The following RORA variants were observed in gnomAD, a reference collection of about 807,000 sequenced individuals.
The protein encoded by RORA is nuclear receptor ROR-alpha.
Under a neutral mutation model 69.5 loss-of-function variants are expected in RORA, and 7 were observed. The observed-to-expected ratio is 0.10, with a 90% CI of 0.06 to 0.19. The LOEUF (loss-of-function observed/expected upper bound fraction) is 0.19. Among genes scored for constraint, RORA ranks in the 10% least tolerant of loss-of-function variants. The pLI is 1.00. For synonymous variants in RORA, 261 were observed against 240.8 expected (o/e 1.08, Z -0.78); for missense variants, 457 against 663.0 (o/e 0.69, Z 3.41).
At chr15:60,889,114 C>T (rs1042353964) in intron 1 of RORA, among the ~76,000 whole-genome samples, 1 of 152,194 alleles carries the variant, frequency 6.6e-6, no homozygotes, top group Non-Finnish European at 1.5e-5. Context: ...GAGTTGCCTC[C>T]CATGTCGCAC....
At chr15:61,002,639 G>A (rs1008949226) in intron 1 of RORA, among the ~76,000 whole-genome samples, 39 of 152,056 alleles carry the variant, frequency 2.6e-4, no homozygotes, top group African/African-American at 8.2e-4. Context: ...TACTTTATCC[G>A]AAGTGTCATC....
At chr15:61,227,666 G>C (rs2080160034) in intron 1 of RORA, among the ~76,000 whole-genome samples, 1 of 151,930 alleles carries the variant, frequency 6.6e-6, no homozygotes. Context: ...AGCAGTTCCT[G>C]GGGCCCCCAT....
At chr15:60,621,845 C>T (rs2069417273) in intron 2 of RORA, among the ~76,000 whole-genome samples, 1 of 151,688 alleles carries the variant, frequency 6.6e-6, no homozygotes, top group Non-Finnish European at 1.5e-5. Context: ...GTCAGGAGTT[C>T]GAGACCAGCC....
chr15:61,012,935 C>T (rs1895134977), intron 1 of RORA, among the ~76,000 whole-genome samples: 1 of 152,194 alleles, frequency 6.6e-6, no homozygotes, highest in African/African-American at 2.4e-5. Context: ...TAGGTGTGAG[C>T]CACCGCGCTC....
At chr15:60,993,834 T>C (rs980671135) in intron 1 of RORA, among the ~76,000 whole-genome samples, 1 of 152,116 alleles carries the variant, frequency 6.6e-6, no homozygotes, top group Admixed American at 6.5e-5. Flanking sequence ...GTGCTACTAG[T>C]AGCTTGGATA....
At chr15:61,089,310 A>C (rs1194541529) in intron 1 of RORA, among the ~76,000 whole-genome samples, 4 of 152,204 alleles carry the variant, frequency 2.6e-5, no homozygotes, top group Non-Finnish European at 5.9e-5. Flanking sequence ...CCTTAGTTTT[A>C]TGTGAGAGGG....
chr15:60,865,556 G>A (rs781131028), intron 1 of RORA, among the ~76,000 whole-genome samples: 1 of 152,232 alleles, frequency 6.6e-6, no homozygotes, highest in Non-Finnish European at 1.5e-5. Context: ...TTTCCAGGTG[G>A]TGCCAAGGGT....
intron 1 of RORA, among the ~76,000 whole-genome samples, chr15:61,031,788 C>T (rs896853395): frequency 3.3e-5 from 5 of 152,272 alleles, no homozygotes; most frequent in African/African-American, 7.2e-5. Flanking sequence ...TGTTCCACGA[C>T]GATGGGCAAA....
At chr15:60,800,881 C>A (rs1038015760) in intron 1 of RORA, among the ~76,000 whole-genome samples, 1 of 152,180 alleles carries the variant, frequency 6.6e-6, no homozygotes, top group African/African-American at 2.4e-5. Context: ...TAGTTCTTAT[C>A]GATTTGGTCA....
At chr15:60,594,724 C>A (rs1248252516) in intron 2 of RORA, among the ~76,000 whole-genome samples, 1 of 152,212 alleles carries the variant, frequency 6.6e-6, no homozygotes, top group Non-Finnish European at 1.5e-5. Context: ...TAAGTAGAAT[C>A]ATTCATTCTA....
intron 1 of RORA, among the ~76,000 whole-genome samples, chr15:60,882,169 T>C (rs1040920993): frequency 6.6e-6 from 1 of 152,352 alleles, no homozygotes; most frequent in African/African-American, 2.4e-5. Flanking sequence ...AAGTTTTGTT[T>C]CGTTGCAACC....
chr15:60,597,510 G>GAT (rs1297284534), intron 2 of RORA, among the ~76,000 whole-genome samples: 3 of 25,948 alleles, frequency 1.2e-4, no homozygotes, highest in African/African-American at 3.9e-4. Flanking sequence ...TGGTACAGGA[G>GAT]ATACACACAC....
At chr15:60,899,183 ATCT>A (rs376184651) in intron 1 of RORA, among the ~76,000 whole-genome samples, 5 of 152,300 alleles carry the variant, frequency 3.3e-5, no homozygotes, top group African/African-American at 9.6e-5. Context: ...TTCCAACTTC[ATCT>A]TCTTTCATCC....
rs1893301404 is a variant in RORA at position 60,957,444 on chromosome 15, CTG to C, written c.166+271607_166+271608del. Among the ~76,000 whole-genome samples the C allele has an allele frequency of 2.6e-5, 4 of 152,348 alleles. No individual in the cohort carries two copies. In the South Asian group the frequency reaches 8.3e-4, roughly 32 times the overall value. On this transcript the variant is annotated intron_variant, in intron 1 of 10. Coordinates refer to ENST00000335670, the MANE Select transcript of RORA (RefSeq NM_134261.3). ...GATTGTAGCTGTTGTTCCAACAGTT[CTG>C]TGACAACACGTACCTCCTCAAACAC...
intron 1 of RORA, among the ~76,000 whole-genome samples, chr15:60,995,869 A>C (rs1179455326): frequency 6.6e-6 from 1 of 152,244 alleles, no homozygotes; most frequent in Non-Finnish European, 1.5e-5. Flanking sequence ...AAAGCAGTCA[A>C]TATTTTGAGT....
chr15:60,830,768 G>C (rs1421289535), intron 1 of RORA, among the ~76,000 whole-genome samples: 1 of 152,184 alleles, frequency 6.6e-6, no homozygotes, highest in Admixed American at 6.5e-5. Flanking sequence ...AGGCTCTAGG[G>C]TACACAAGAA....
At chr15:61,114,784 T>G (rs1418267142) in intron 1 of RORA, among the ~76,000 whole-genome samples, 1 of 152,176 alleles carries the variant, frequency 6.6e-6, no homozygotes, top group Non-Finnish European at 1.5e-5. Context: ...CTCCTTCTGA[T>G]TTAGAGACCC....
chr15:60,897,205 T>TA (rs1891253364), intron 1 of RORA, among the ~76,000 whole-genome samples: 1 of 152,220 alleles, frequency 6.6e-6, no homozygotes, highest in Admixed American at 6.5e-5. Flanking sequence ...AGGGCCATCT[T>TA]CTGCCACTTC....
intron 2 of RORA, among the ~76,000 whole-genome samples, chr15:60,645,949 A>T (rs187920444): frequency 1.9e-3 from 288 of 152,336 alleles, no homozygotes; most frequent in African/African-American, 6.5e-3. Flanking sequence ...ACAAATCAGT[A>T]AAAAGCAGAA....
Sources: allele counts gnomAD v4.1 joint callset (sites outside exome capture counted in the v4.1 genomes callset), GRCh38; gene constraint gnomAD v4.1.1; transcripts MANE v1.5; gene names NCBI Gene and HGNC (gene_info 2026-07-23, HGNC 2026-07-21).